MYT1L: variants seen among roughly 807,000 people sequenced by gnomAD.
MYT1L encodes myelin transcription factor 1 like, also known as myelin transcription factor 1-like protein.
Under a neutral mutation model 126.7 loss-of-function variants are expected in MYT1L, and 12 were observed. The observed-to-expected ratio is 0.09, with a 90% confidence interval of 0.06 to 0.15. The LOEUF (loss-of-function observed/expected upper bound fraction) is 0.15, where lower values mean the gene tolerates loss of function less well. Among genes scored for constraint, MYT1L ranks in the 10% least tolerant of loss-of-function variants. The probability of loss-of-function intolerance (pLI) is 1.00; values close to 1 mark genes in which losing one functional copy is unlikely to be tolerated. For synonymous variants in MYT1L, 541 were observed against 604.2 expected, an observed-to-expected ratio of 0.90 and a Z score of 1.53; for missense variants, 979 against 1,585.2, an observed-to-expected ratio of 0.62 and a Z score of 6.49.
chr2:1,892,349 A>G, intron 14 of MYT1L, 62 bp from the exon 15 acceptor site: 2 of 1,513,114 alleles, frequency 1.3e-6, no homozygotes, highest in East Asian at 2.5e-5. Context: ...CAGACAGCAC[A>G]CGGCAGGGCC....
At chr2:1,837,177 G>C (rs564274372) in intron 21 of MYT1L, among the ~76,000 whole-genome samples, 8 of 152,326 alleles carry the variant, frequency 5.3e-5, no homozygotes, top group African/African-American at 1.9e-4. Flanking sequence ...AGGCTGGGGA[G>C]TGGGAGGGAA....
At chr2:1,983,436 T>C (rs1323211744) in intron 5 of MYT1L, among the ~76,000 whole-genome samples, 1 of 152,206 alleles carries the variant, frequency 6.6e-6, no homozygotes, top group Non-Finnish European at 1.5e-5. Flanking sequence ...TAAGTGCCAA[T>C]TGCCAGAAAG....
intron 18 of MYT1L, among the ~76,000 whole-genome samples, chr2:1,868,669 GCC>G (rs559322153): frequency 6.6e-6 from 1 of 152,200 alleles, no homozygotes; most frequent in South Asian, 2.1e-4. Flanking sequence ...CCTTCTCTGT[GCC>G]CCCCTTCTCT....
chr2:2,232,161 G>A (rs1333510253), intron 2 of MYT1L, among the ~76,000 whole-genome samples: 7 of 152,220 alleles, frequency 4.6e-5, no homozygotes. Flanking sequence ...AAGAAAGGAT[G>A]CATTCAGTGG....
intron 21 of MYT1L, among the ~76,000 whole-genome samples, chr2:1,814,034 AAAAAAAAAAG>A: frequency 6.7e-6 from 1 of 148,838 alleles, no homozygotes; most frequent in African/African-American, 2.5e-5. Flanking sequence ...CCCCAAAAAA[AAAAAAAAAAG>A]AAAGAAAAAT....
At chr2:2,217,179 T>C (rs1280654676) in intron 2 of MYT1L, among the ~76,000 whole-genome samples, 1 of 152,152 alleles carries the variant, frequency 6.6e-6, no homozygotes. Flanking sequence ...CCACCATTTC[T>C]CAGATAACTA....
chr2:2,274,557 CA>C (rs1252067048), intron 2 of MYT1L, among the ~76,000 whole-genome samples: 4 of 152,108 alleles, frequency 2.6e-5, no homozygotes, highest in Non-Finnish European at 5.9e-5. Flanking sequence ...GATTTTGTTT[CA>C]GGAGATTTGG....
intron 1 of MYT1L, among the ~76,000 whole-genome samples, chr2:2,328,690 A>G (rs532652668): frequency 4.9e-4 from 75 of 152,332 alleles, no homozygotes; most frequent in African/African-American, 1.8e-3. Flanking sequence ...GAATTTTATT[A>G]ATAATTACAT....
intron 2 of MYT1L, among the ~76,000 whole-genome samples, chr2:2,202,202 A>G (rs891187019): frequency 6.6e-6 from 1 of 152,150 alleles, no homozygotes; most frequent in Non-Finnish European, 1.5e-5. Context: ...TAACATCACA[A>G]TTAAAAGAAC....
chr2:2,225,406 C>T (rs1416063206), intron 2 of MYT1L, among the ~76,000 whole-genome samples: 2 of 152,128 alleles, frequency 1.3e-5, no homozygotes, highest in Non-Finnish European at 2.9e-5. Context: ...CTACGTACAC[C>T]CCAGTTGCAA....
chr2:2,234,247 G>T (rs2094228839), intron 2 of MYT1L, among the ~76,000 whole-genome samples: 1 of 152,158 alleles, frequency 6.6e-6, no homozygotes, highest in South Asian at 2.1e-4. Context: ...CAATTTAAAA[G>T]AATAGTGTTA....
chr2:1,979,451 G>C lies in MYT1L; in HGVS notation c.89+70C>G, dbSNP rs969986377. ...AGCTGCCGATGAGCTGGAAGGTGCA[G>C]TGTGCCCATTAGAAGGCGTGAATTT... is the stretch of plus-strand genomic sequence containing the variant. On this transcript the variant is annotated intron_variant, in intron 7 of 24. Coordinates refer to ENST00000647738, the MANE Select transcript of MYT1L (RefSeq NM_001303052.2). This position sits in a 1 kb window ranked among gnomAD's most constrained non-coding sequence, Gnocchi z 4.0. The C allele has an allele frequency of 1.2e-4, 171 of 1,423,318 alleles. 2 individuals carry two copies. In the Admixed American group the frequency reaches 2.8e-3, roughly 24 times the overall value. The allele number at this position is 1,423,318 out of a possible 1,614,324, so 88.2% of individuals were successfully genotyped here.
At chr2:2,250,445 C>G (rs1339011941) in intron 2 of MYT1L, among the ~76,000 whole-genome samples, 1 of 150,698 alleles carries the variant, frequency 6.6e-6, no homozygotes, top group African/African-American at 2.4e-5. Flanking sequence ...ACTTATTTGT[C>G]AGATCTAAGA....
intron 9 of MYT1L, among the ~76,000 whole-genome samples, chr2:1,925,646 A>G (rs2054133576): frequency 6.6e-6 from 1 of 152,128 alleles, no homozygotes; most frequent in Admixed American, 6.5e-5. Flanking sequence ...AGCCAAGGAG[A>G]AAGTCCCTGA....
At chr2:1,999,709 T>C (rs1363029661) in intron 4 of MYT1L, among the ~76,000 whole-genome samples, 1 of 152,194 alleles carries the variant, frequency 6.6e-6, no homozygotes, top group Non-Finnish European at 1.5e-5. Flanking sequence ...CTGTGACATA[T>C]GTGGGGTGTT....
intron 4 of MYT1L, among the ~76,000 whole-genome samples, chr2:2,005,292 A>G (rs373812175): frequency 3.4e-4 from 29 of 85,190 alleles, no homozygotes; most frequent in Non-Finnish European, 4.1e-4. Context: ...TCTTTCCTGC[A>G]GGCGTTCTTT....
At chr2:2,226,337 T>C (rs1041307809) in intron 2 of MYT1L, among the ~76,000 whole-genome samples, 2 of 139,870 alleles carry the variant, frequency 1.4e-5, no homozygotes, top group South Asian at 2.1e-4. Context: ...ATTTGTTCTA[T>C]AATAAAACAG....
At chr2:2,194,154 G>A (rs986136225) in intron 2 of MYT1L, among the ~76,000 whole-genome samples, 4 of 151,806 alleles carry the variant, frequency 2.6e-5, no homozygotes, top group African/African-American at 7.3e-5. Flanking sequence ...GTCATGGCTC[G>A]CTGCAGCCTT....
chr2:2,166,698 C>T (rs933038296), intron 3 of MYT1L, among the ~76,000 whole-genome samples: 1 of 152,206 alleles, frequency 6.6e-6, no homozygotes, highest in Admixed American at 6.5e-5. Flanking sequence ...GATACATTTA[C>T]ATCATTCAAA....
Sources: allele counts gnomAD v4.1 joint callset (sites outside exome capture counted in the v4.1 genomes callset), GRCh38; gene constraint gnomAD v4.1.1; non-coding constraint Gnocchi (gnomAD v3.1); transcripts MANE v1.5; gene names NCBI Gene and HGNC (gene_info 2026-07-23, HGNC 2026-07-21).